Variants in TSC1 observed in about 807,000 individuals in gnomAD.
TSC1 encodes the protein TSC complex subunit 1.
A neutral mutation model predicts 124.3 loss-of-function variants in TSC1; 20 were observed. The ratio of observed to expected loss-of-function variants is 0.16; its 90% CI spans 0.11 to 0.23. The LOEUF is 0.23. Ranked by LOEUF, TSC1 falls within the 10% of genes least tolerant of loss-of-function variation. The probability of loss-of-function intolerance (pLI) is 1.00; values close to 1 mark genes in which losing one functional copy is unlikely to be tolerated. For synonymous variants in TSC1, 493 were observed against 539.1 expected, an observed-to-expected ratio of 0.91 and a Z score of 1.19; for missense variants, 1,124 against 1,448.5, an observed-to-expected ratio of 0.78 and a Z score of 3.64.
intron 11 of TSC1, 34 bp from the exon 12 acceptor site, chr9:132,910,726 G>A (rs1398098088): frequency 5.0e-6 from 8 of 1,612,222 alleles, no homozygotes; most frequent in Admixed American, 1.7e-5. Flanking sequence ...TATGAACACT[G>A]AGCCCAACTA....
In TSC1 at chr9:132,905,951, G is replaced by A. The variant is rs1845641287; in HGVS notation, c.1627C>T (p.Leu543Phe). The change falls in exon 15 of 23, where the codon CTT (leucine) becomes TTT (phenylalanine). Residue 543 changes from leucine to phenylalanine, a missense_variant. This residue lies in a region of TSC1 where 321 missense variants were observed against 397.4 expected (regional missense o/e 0.81). Coordinates refer to ENST00000298552, the MANE Select transcript of TSC1 (RefSeq NM_000368.5). ...PEPLHSSLDKLGPDTPKQAFT... is the reference protein window; with the variant it reads ...PEPLHSSLDKFGPDTPKQAFT... The stretch of plus-strand genomic sequence containing the variant: ...GCTTGCTTTGGTGTGTCAGGCCCAA[G>A]CTTGTCCAGGGAGGAGTGTAAAGGC... The A allele has an allele frequency of 6.2e-7, 1 of 1,613,998 alleles. No homozygotes were observed. Among genetic ancestry groups the A allele is most frequent in the Non-Finnish European group, 8.5e-7 (1 of 1,179,966 alleles).
At chr9:132,931,633 T>C (rs532535497) in intron 2 of TSC1, among the ~76,000 whole-genome samples, 1 of 152,352 alleles carries the variant, frequency 6.6e-6, no homozygotes, top group East Asian at 1.9e-4. Context: ...TCAAGCATTT[T>C]TGACATTCTA....
rs1846822085 is a variant in TSC1 at position 132,925,732 on chromosome 9, A to C, written c.218T>G (p.Leu73Trp). ...TLQEPHDKHL[L>W]DRINEYVGKA... ...GCCCACATATTCGTTAATCCTGTCC[A>C]AGAGGTGCTGAAAATGTAAAAGAAC... The change falls in exon 5 of 23, where the codon TTG (leucine) becomes TGG (tryptophan). Residue 73 changes from leucine to tryptophan, a missense_variant. This residue lies in a region of TSC1 where 463 missense variants were observed against 606.8 expected (regional missense o/e 0.76). Coordinates refer to ENST00000298552, the MANE Select transcript of TSC1 (RefSeq NM_000368.5). 2 of 1,614,124 alleles carry C rather than the reference A, an allele frequency of 1.2e-6. No homozygotes were observed. The highest frequency in any genetic ancestry group is 2.2e-5 in the East Asian group (1 of 44,890).
intron 2 of TSC1, among the ~76,000 whole-genome samples, chr9:132,930,611 A>AAG (rs1554821314): frequency 1.5e-4 from 22 of 150,852 alleles, no homozygotes; most frequent in Admixed American, 3.3e-4. Context: ...AAAAAAAAAA[A>AAG]AGAGAGAGAT....
intron 3 of TSC1, among the ~76,000 whole-genome samples, chr9:132,928,374 G>A (rs547122925): frequency 2.0e-5 from 3 of 151,992 alleles, no homozygotes; most frequent in Non-Finnish European, 2.9e-5. Flanking sequence ...ATTTAATTTT[G>A]CCAACCTGGT....
At chr9:132,897,111 A>G in intron 22 of TSC1, 73 bp downstream of exon 22, 1 of 1,607,788 alleles carries the variant, frequency 6.2e-7, no homozygotes. Context: ...TGCTTCCCAC[A>G]CCACGTGACA....
At chr9:132,944,971 GA>G (rs913927983), upstream of TSC1, 52 of 193,614 alleles carry the variant, frequency 2.7e-4, no homozygotes, top group African/African-American at 9.0e-4. Flanking sequence ...CGGGCGGGGG[GA>G]CGCGGCGGAG....
intron 20 of TSC1, among the ~76,000 whole-genome samples, chr9:132,898,137 T>TC (rs1251210815): frequency 2.6e-5 from 4 of 152,148 alleles, no homozygotes; most frequent in African/African-American, 4.8e-5. Context: ...TCTCCTTTTC[T>TC]CCCCCTCCTG....
At chr9:132,908,791 T>G (rs1376718979) in intron 12 of TSC1, among the ~76,000 whole-genome samples, 1 of 152,044 alleles carries the variant, frequency 6.6e-6, no homozygotes, top group Non-Finnish European at 1.5e-5. Flanking sequence ...TAATCATCTT[T>G]GTTATTACAC....
In TSC1 at chr9:132,896,216, ACT is replaced by A. The variant is rs747806078; in HGVS notation, c.*17_*18del. 9 of 1,614,192 alleles carry A rather than the reference ACT, an allele frequency of 5.6e-6. No homozygotes were observed. Among genetic ancestry groups the A allele is most frequent in the Admixed American group, 5.0e-5 (3 of 60,032 alleles). On this transcript the variant is annotated 3_prime_UTR_variant, in exon 23 of 23. Transcript: ENST00000298552. The surrounding 1 kb of genome is among the most constrained non-coding windows in gnomAD (Gnocchi z 4.5). ...CTGTGCCAACAATATGCAAGTTAAC[ACT>A]GATTGACCATCATTCCTTAGCTGTG...
At chr9:132,929,990 T>C (rs1300348898) in intron 2 of TSC1, among the ~76,000 whole-genome samples, 2 of 152,168 alleles carry the variant, frequency 1.3e-5, no homozygotes, top group Non-Finnish European at 2.9e-5. Context: ...TGTGATGTGA[T>C]GTGATGTGGT....
Position 132,924,195 on chromosome 9 carries a change from C to T in TSC1, c.364-703G>A, listed in dbSNP as rs144049866. On this transcript the variant is annotated intron_variant, in intron 5 of 22. Coordinates refer to ENST00000298552, the MANE Select transcript of TSC1 (RefSeq NM_000368.5). ...CTCTGACTAGCTAGCTACAGCAGCT[C>T]ACCTGACCCATAATTAAATCATGAA... is the stretch of plus-strand genomic sequence containing the variant. 7.4e-3 allele frequency among the ~76,000 whole-genome samples: 1,129 copies of T among 152,278 alleles called. 7 individuals are homozygous for T. Among genetic ancestry groups the T allele is most frequent in the Non-Finnish European group, 0.013 (868 of 68,026 alleles).
At chr9:132,937,853 T>A (rs1847541654) in intron 1 of TSC1, among the ~76,000 whole-genome samples, 2 of 152,178 alleles carry the variant, frequency 1.3e-5, no homozygotes, top group Non-Finnish European at 2.9e-5. Flanking sequence ...TAGCTGGGAA[T>A]ACAGGCACGC....
intron 3 of TSC1, 66 bp from the exon 4 acceptor site, chr9:132,927,370 G>A: frequency 6.8e-7 from 1 of 1,462,670 alleles, no homozygotes. Flanking sequence ...ACCTTACACA[G>A]CTTCCTGTCA....
intron 4 of TSC1, chr9:132,926,571 C>T (rs534124839): frequency 3.9e-5 from 6 of 154,070 alleles, no homozygotes; most frequent in African/African-American, 9.6e-5. Flanking sequence ...TTTTCCATAT[C>T]GATAAAAGTC....
At chr9:132,897,096 G>GTA in intron 22 of TSC1, 88 bp downstream of exon 22, 1 of 1,597,682 alleles carries the variant, frequency 6.3e-7, no homozygotes, top group Non-Finnish European at 8.5e-7. Context: ...CTAGTCAGCA[G>GTA]TAACTGCTTC....
chr9:132,925,946 T>G, intron 4 of TSC1: 1 of 630,318 alleles, frequency 1.6e-6, no homozygotes, highest in East Asian at 2.8e-5. Flanking sequence ...GGCAGCCAGT[T>G]TGCAGCTCAT....
In TSC1 at chr9:132,924,715, T is replaced by C. The variant is rs989360143; in HGVS notation, c.363+872A>G. 9 of 152,372 alleles carry C rather than the reference T, an allele frequency of 5.9e-5. No homozygotes were observed. In the East Asian group the frequency reaches 1.7e-3, roughly 29 times the overall value. 9.4% of individuals were successfully genotyped at this position (152,372 alleles called of 1,614,324 possible). On this transcript the variant is annotated intron_variant, in intron 5 of 22. Transcript: ENST00000298552. Reference sequence around the variant, plus strand: ...ATTAGATTATATTCTCATCAATCCATTTGTTTAAAAAACATTAAGTTGTTA... The same window carrying C: ...ATTAGATTATATTCTCATCAATCCACTTGTTTAAAAAACATTAAGTTGTTA...
chr9:132,923,978 T>C lies in TSC1; in HGVS notation c.364-486A>G, dbSNP rs1191806304. Among the ~76,000 whole-genome samples the C allele has an allele frequency of 6.6e-6, 1 of 151,216 alleles. No individual in the cohort carries two copies. Among genetic ancestry groups the C allele is most frequent in the Non-Finnish European group, 1.5e-5 (1 of 67,886 alleles). On this transcript the variant is annotated intron_variant, in intron 5 of 22. Coordinates refer to ENST00000298552, the MANE Select transcript of TSC1 (RefSeq NM_000368.5). The surrounding 1 kb of genome is among the most constrained non-coding windows in gnomAD (Gnocchi z 4.2). Reference sequence around the variant, plus strand: ...TTTTTAAAGAACTACAACAGAAGTATAATTGAAGGAGAAATTCATATAGCA... The same window carrying C: ...TTTTTAAAGAACTACAACAGAAGTACAATTGAAGGAGAAATTCATATAGCA...
Sources: gnomAD v4.1 joint callset for allele counts (sites outside exome capture counted in the v4.1 genomes callset) on GRCh38, gnomAD v4.1.1 for gene constraint, gnomAD v4.1.1 regional missense constraint, Gnocchi (gnomAD v3.1) non-coding constraint, MANE v1.5 for transcripts, NCBI Gene and HGNC (gene_info 2026-07-23, HGNC 2026-07-21) for gene names.